Variants in GRM8 observed in about 807,000 individuals in gnomAD.
GRM8 encodes metabotropic glutamate receptor 8.
In GRM8, 47 loss-of-function variants were observed where a neutral mutation model predicts 87.2. The ratio of observed to expected loss-of-function variants is 0.54; its 90% CI spans 0.43 to 0.69. GRM8 has a LOEUF of 0.69. Ranked by LOEUF, GRM8 falls within the 30% of genes least tolerant of loss-of-function variation. GRM8 has a pLI of 0.00. For missense variants in GRM8, 1,019 were observed against 1,139.2 expected (o/e 0.89, Z 1.52); for synonymous variants, 396 against 404.5 (o/e 0.98, Z 0.25).
chr7:126,854,825 A>C (rs1289947109), intron 6 of GRM8, among the ~76,000 whole-genome samples: 1 of 152,200 alleles, frequency 6.6e-6, no homozygotes, highest in Non-Finnish European at 1.5e-5. Flanking sequence ...CTATTTTTGC[A>C]TTATCCATAG....
At chr7:126,593,468 C>T (rs73449245) in intron 8 of GRM8, among the ~76,000 whole-genome samples, 8,128 of 151,906 alleles carry the variant, frequency 0.054, 619 homozygotes, top group African/African-American at 0.17. Flanking sequence ...CAAACTGATT[C>T]AACAAAGGTA....
intron 2 of GRM8, among the ~76,000 whole-genome samples, chr7:127,145,221 C>T (rs1376503323): frequency 6.6e-6 from 1 of 152,092 alleles, no homozygotes; most frequent in African/African-American, 2.4e-5. Context: ...TTCTTGCAAA[C>T]ATGGTAAGCC....
intron 7 of GRM8, among the ~76,000 whole-genome samples, chr7:126,641,249 C>A (rs1302505922): frequency 1.3e-5 from 2 of 152,120 alleles, no homozygotes; most frequent in South Asian, 2.1e-4. Context: ...TCAATAAAAT[C>A]TTTTAAACTG....
chr7:127,123,281 C>T (rs1310910766), intron 2 of GRM8, among the ~76,000 whole-genome samples: 1 of 152,148 alleles, frequency 6.6e-6, no homozygotes, highest in Non-Finnish European at 1.5e-5. Context: ...TTGTCCCCTC[C>T]AAACCTCACG....
intron 7 of GRM8, among the ~76,000 whole-genome samples, chr7:126,659,780 A>G (rs1156979702): frequency 6.6e-6 from 1 of 152,216 alleles, no homozygotes; most frequent in Non-Finnish European, 1.5e-5. Flanking sequence ...ATTTCAAATA[A>G]AAGTGTGGAT....
intron 9 of GRM8, among the ~76,000 whole-genome samples, chr7:126,517,267 G>C (rs1812317951): frequency 6.6e-6 from 1 of 152,038 alleles, no homozygotes; most frequent in Non-Finnish European, 1.5e-5. Flanking sequence ...GCAGAGTTTA[G>C]AGAATGCCAA....
At chr7:126,506,429 TCCAGAAGGGACTATTCTTTC>T (rs1402659073) in intron 9 of GRM8, among the ~76,000 whole-genome samples, 1 of 152,040 alleles carries the variant, frequency 6.6e-6, no homozygotes, top group African/African-American at 2.4e-5. Context: ...ACTGCAAACT[TCCAGAAGGGACTATTCTTTC>T]CCAGAAAACC....
chr7:126,773,799 C>G (rs1819127440), intron 6 of GRM8, among the ~76,000 whole-genome samples: 1 of 152,182 alleles, frequency 6.6e-6, no homozygotes, highest in African/African-American at 2.4e-5. Flanking sequence ...AGTTCAAGAC[C>G]AGCCTGGGCA....
At chr7:126,977,517 T>G (rs758014173) in intron 3 of GRM8, among the ~76,000 whole-genome samples, 22 of 152,354 alleles carry the variant, frequency 1.4e-4, no homozygotes, top group Middle Eastern at 3.4e-3. Flanking sequence ...TTTCCTTCTT[T>G]GATATAATTC....
intron 6 of GRM8, among the ~76,000 whole-genome samples, chr7:126,876,055 C>G (rs1207990000): frequency 6.6e-6 from 1 of 152,134 alleles, no homozygotes; most frequent in Admixed American, 6.5e-5. Context: ...GTTGGCTTAT[C>G]CTTGAATATC....
Position 126,446,360 on chromosome 7 carries a change from T to C in GRM8, c.2443A>G (p.Thr815Ala), listed in dbSNP as rs894022033. ...AQSAEKMYIQ[T>A]TTLTVSMSLS... Reference sequence around the variant, plus strand: ...CTCATGGAGACAGTAAGTGTTGTTGTCTGGATGTACATCTGAGGGAAGAAA... The same window carrying C: ...CTCATGGAGACAGTAAGTGTTGTTGCCTGGATGTACATCTGAGGGAAGAAA... Residue 815 changes from threonine to alanine, a missense_variant, in exon 10 of 11, where the codon ACA becomes GCA. Coordinates refer to ENST00000339582, the MANE Select transcript of GRM8 (RefSeq NM_000845.3). 5 of 1,603,632 alleles carry C rather than the reference T, an allele frequency of 3.1e-6. No homozygotes were observed. The highest frequency in any genetic ancestry group is 2.2e-5 in the East Asian group (1 of 44,536).
At chr7:126,809,901 G>A (rs961067392) in intron 6 of GRM8, among the ~76,000 whole-genome samples, 4 of 152,052 alleles carry the variant, frequency 2.6e-5, no homozygotes, top group Admixed American at 6.6e-5. Flanking sequence ...ATTCAGTTTT[G>A]ATACAGTATG....
chr7:126,735,643 A>G (rs1479462903), intron 7 of GRM8, among the ~76,000 whole-genome samples: 1 of 152,064 alleles, frequency 6.6e-6, no homozygotes, highest in East Asian at 1.9e-4. Context: ...ACCGAGATTA[A>G]GATAAATTAT....
intron 8 of GRM8, among the ~76,000 whole-genome samples, chr7:126,606,170 C>G (rs1184900559): frequency 6.6e-6 from 1 of 152,142 alleles, no homozygotes; most frequent in Non-Finnish European, 1.5e-5. Flanking sequence ...GCAGAAAGGA[C>G]TGGCTGTGGG....
At chr7:126,618,527 G>A (rs1332950398) in intron 7 of GRM8, among the ~76,000 whole-genome samples, 1 of 152,186 alleles carries the variant, frequency 6.6e-6, no homozygotes, top group African/African-American at 2.4e-5. Flanking sequence ...ATTGACAAAT[G>A]GGATCTAATT....
chr7:126,895,573 C>A (rs1801464866), intron 6 of GRM8, among the ~76,000 whole-genome samples: 1 of 152,022 alleles, frequency 6.6e-6, no homozygotes, highest in Non-Finnish European at 1.5e-5. Context: ...AGATATTTTT[C>A]TTTAAGAGAA....
intron 7 of GRM8, among the ~76,000 whole-genome samples, chr7:126,628,287 C>T (rs62477905): frequency 0.14 from 20,861 of 152,164 alleles, 1,744 homozygotes; most frequent in South Asian, 0.22. Context: ...TCTCGTGAAC[C>T]GCCTACCTCA....
chr7:126,895,411 T>C (rs1288366808), intron 6 of GRM8, among the ~76,000 whole-genome samples: 3 of 152,176 alleles, frequency 2.0e-5, no homozygotes, highest in South Asian at 2.1e-4. Flanking sequence ...CCAGGATCCA[T>C]GTCACCTGGA....
At chr7:126,571,244 A>T (rs908904132) in intron 8 of GRM8, among the ~76,000 whole-genome samples, 2 of 152,242 alleles carry the variant, frequency 1.3e-5, no homozygotes, top group African/African-American at 4.8e-5. Context: ...GTTGATAGAT[A>T]AAAATAAGTA....
Sources: allele counts gnomAD v4.1 joint callset (sites outside exome capture counted in the v4.1 genomes callset), GRCh38; gene constraint gnomAD v4.1.1; transcripts MANE v1.5; gene names NCBI Gene and HGNC (gene_info 2026-07-23, HGNC 2026-07-21).